The following NEGR1 variants were observed in gnomAD, a reference collection of about 807,000 sequenced individuals.
The protein encoded by NEGR1 is neuronal growth regulator 1.
A neutral mutation model predicts 40.9 loss-of-function variants in NEGR1; 10 were observed. That is an observed-to-expected ratio of 0.24 (90% confidence interval 0.15 to 0.42). The LOEUF is 0.42. Among genes scored for constraint, NEGR1 ranks in the 10% least tolerant of loss-of-function variants. NEGR1 has a pLI of 1.00. For missense variants in NEGR1, 352 were observed against 438.9 expected (o/e 0.80, Z 1.77); for synonymous variants, 185 against 166.8 (o/e 1.11, Z -0.84).
At chr1:72,248,232 G>A (rs988743843) in intron 1 of NEGR1, among the ~76,000 whole-genome samples, 3 of 152,066 alleles carry the variant, frequency 2.0e-5, no homozygotes, top group African/African-American at 7.2e-5. Context: ...TAGATACTCA[G>A]TCTTTGACTT....
At position 71,749,480 on chromosome 1, in the gene NEGR1, T is replaced by A. The variant is rs541424227; in HGVS notation, c.535+26692A>T. On this transcript the variant is annotated intron_variant, in intron 3 of 6. Transcript: ENST00000357731. ...CATATCTGCAGCACTTATATCATAT[T>A]TGCTATGATAATCATACTTAGGAAA... Among the ~76,000 whole-genome samples the A allele has an allele frequency of 1.8e-3, 278 of 152,344 alleles. 1 individual carries two copies. The highest frequency in any genetic ancestry group is 6.5e-3 in the African/African-American group (270 of 41,588).
In NEGR1 at chr1:71,397,930, C is replaced by T. The variant is rs1296351004; in HGVS notation, c.*9516G>A. The T allele has an allele frequency of 6.6e-6, 1 of 152,252 alleles. No individual in the cohort carries two copies. Among genetic ancestry groups the T allele is most frequent in the Non-Finnish European group, 1.5e-5 (1 of 68,102 alleles). The allele number at this position is 152,252 out of a possible 1,614,324, so 9.4% of individuals were successfully genotyped here. ...TCTAGGAACTTGGTGCTCTGCCTCC[C>T]AGTTGCTCCCAGGATGATTTAAATG... On this transcript the variant is annotated 3_prime_UTR_variant, in exon 7 of 7. Transcript: ENST00000357731.
At chr1:71,512,888 C>T (rs537651196) in intron 6 of NEGR1, among the ~76,000 whole-genome samples, 25 of 152,052 alleles carry the variant, frequency 1.6e-4, no homozygotes, top group Middle Eastern at 3.4e-3. Context: ...CCATACTATC[C>T]GAATTTTTAA....
intron 6 of NEGR1, among the ~76,000 whole-genome samples, chr1:71,444,764 C>T (rs922211131): frequency 6.6e-6 from 1 of 151,894 alleles, no homozygotes; most frequent in African/African-American, 2.4e-5. Context: ...CTGGTGTAGA[C>T]AACAATATAT....
At chr1:71,723,576 T>C (rs897801712) in intron 3 of NEGR1, among the ~76,000 whole-genome samples, 4 of 152,192 alleles carry the variant, frequency 2.6e-5, no homozygotes, top group African/African-American at 9.6e-5. Flanking sequence ...GCCAGGACTG[T>C]GGTGTACCCC....
At chr1:71,780,459 C>G (rs1238504406) in intron 2 of NEGR1, among the ~76,000 whole-genome samples, 1 of 152,114 alleles carries the variant, frequency 6.6e-6, no homozygotes, top group African/African-American at 2.4e-5. Context: ...TAGTGAAACT[C>G]TAATTAGGGA....
At chr1:71,719,799 C>G (rs1654440708) in intron 3 of NEGR1, among the ~76,000 whole-genome samples, 1 of 152,070 alleles carries the variant, frequency 6.6e-6, no homozygotes, top group East Asian at 1.9e-4. Context: ...CTGGCAGGCC[C>G]TGGTGTGTGA....
intron 2 of NEGR1, among the ~76,000 whole-genome samples, chr1:71,827,848 T>C (rs1485030388): frequency 2.0e-5 from 3 of 150,466 alleles, no homozygotes; most frequent in South Asian, 2.1e-4. Flanking sequence ...TTGACCCAGA[T>C]AAAAAATACA....
rs530254030 is a variant in NEGR1, at chr1:71,748,994, T to C, written c.535+27178A>G. ...GCTCTTCATAAATCAAATAAGATCA[T>C]AGTATTTTTGTTTTTCTGGAAATCA... is the stretch of plus-strand genomic sequence containing the variant. On this transcript the variant is annotated intron_variant, in intron 3 of 6. Coordinates refer to ENST00000357731, the MANE Select transcript of NEGR1 (RefSeq NM_173808.3). Among the ~76,000 whole-genome samples the C allele has an allele frequency of 3.3e-5, 5 of 152,308 alleles. No individual in the cohort carries two copies. The East Asian group carries it at 9.7e-4, about 29-fold the overall frequency.
chr1:72,101,560 C>A lies in NEGR1; in HGVS notation c.177-166249G>T, dbSNP rs181268048. Among the ~76,000 whole-genome samples the A allele has an allele frequency of 5.9e-3, 895 of 152,178 alleles. 9 individuals are homozygous for A. Among genetic ancestry groups the A allele is most frequent in the Non-Finnish European group, 9.1e-3 (622 of 67,992 alleles). ...ATACAGTTTGAATTCACCAAGATTT[C>A]AGGAAAGTTTTTAGGAGACTTCTTT... On this transcript the variant is annotated intron_variant, in intron 1 of 6. Coordinates refer to ENST00000357731, the MANE Select transcript of NEGR1 (RefSeq NM_173808.3).
intron 2 of NEGR1, among the ~76,000 whole-genome samples, chr1:71,907,610 A>G (rs1661312335): frequency 6.6e-6 from 1 of 152,172 alleles, no homozygotes; most frequent in Admixed American, 6.5e-5. Context: ...AAATTTCTCA[A>G]AAAACACAAC....
chr1:72,236,272 G>A (rs1444079117), intron 1 of NEGR1, among the ~76,000 whole-genome samples: 2 of 151,898 alleles, frequency 1.3e-5, no homozygotes, highest in African/African-American at 2.4e-5. Flanking sequence ...TCACACACTG[G>A]GGACTTTTGA....
intron 1 of NEGR1, among the ~76,000 whole-genome samples, chr1:72,040,064 A>G (rs949629202): frequency 1.3e-5 from 2 of 152,004 alleles, no homozygotes; most frequent in African/African-American, 4.8e-5. Context: ...CAAAACCTTC[A>G]ATAATTATCC....
intron 4 of NEGR1, among the ~76,000 whole-genome samples, chr1:71,665,175 T>C (rs999853505): frequency 2.0e-5 from 3 of 152,316 alleles, no homozygotes; most frequent in Non-Finnish European, 1.5e-5. Flanking sequence ...AGTAAAAGTA[T>C]AATATTCTGC....
intron 2 of NEGR1, among the ~76,000 whole-genome samples, chr1:71,901,574 C>G (rs527533960): frequency 4.6e-5 from 7 of 151,958 alleles, no homozygotes; most frequent in African/African-American, 1.7e-4. Context: ...AAATGGGCCC[C>G]TGGGGTTAGA....
In NEGR1 at chr1:71,734,039, T is replaced by C. The variant is rs138100546; in HGVS notation, c.536-35900A>G. On this transcript the variant is annotated intron_variant, in intron 3 of 6. Coordinates refer to ENST00000357731, the MANE Select transcript of NEGR1 (RefSeq NM_173808.3). The stretch of plus-strand genomic sequence containing the variant: ...ATAAAAGACCCCAGGCTTCCTCAAA[T>C]TATTGTGAGCAATTTATTCACTTAT... Among the ~76,000 whole-genome samples the C allele has an allele frequency of 8.4e-4, 128 of 152,312 alleles. 1 individual carries two copies. Among genetic ancestry groups the C allele is most frequent in the Admixed American group, 1.4e-3 (22 of 15,302 alleles).
At chr1:71,974,506 A>G (rs1451915315) in intron 1 of NEGR1, among the ~76,000 whole-genome samples, 1 of 152,142 alleles carries the variant, frequency 6.6e-6, no homozygotes, top group Non-Finnish European at 1.5e-5. Context: ...CTACAAATTG[A>G]CATAAAATTA....
chr1:71,953,937 T>A (rs1208350044), intron 1 of NEGR1, among the ~76,000 whole-genome samples: 1 of 152,004 alleles, frequency 6.6e-6, no homozygotes, highest in African/African-American at 2.4e-5. Context: ...AATTGAGATA[T>A]CCACTTTATC....
At chr1:71,427,693 G>A (rs1414863341) in intron 6 of NEGR1, among the ~76,000 whole-genome samples, 1 of 152,150 alleles carries the variant, frequency 6.6e-6, no homozygotes, top group East Asian at 1.9e-4. Flanking sequence ...TATTTGTTAA[G>A]TGAGAATGCT....
Sources: gnomAD v4.1 joint callset for allele counts (sites outside exome capture counted in the v4.1 genomes callset) on GRCh38, gnomAD v4.1.1 for gene constraint, MANE v1.5 for transcripts, NCBI Gene and HGNC (gene_info 2026-07-23, HGNC 2026-07-21) for gene names.